The following ZNF131 variants were observed in gnomAD, a reference collection of about 807,000 sequenced individuals.
ZNF131 encodes zinc finger protein 131.
ZNF131 carries 7 observed loss-of-function variants against 60.0 expected under a neutral mutation model. The ratio of observed to expected loss-of-function variants is 0.12; its 90% CI spans 0.07 to 0.22. The LOEUF (loss-of-function observed/expected upper bound fraction) is 0.22, where lower values mean the gene tolerates loss of function less well. Ranked by LOEUF, ZNF131 falls within the 10% of genes least tolerant of loss-of-function variation. The pLI is 1.00. For missense variants in ZNF131, 493 were observed against 740.9 expected (o/e 0.67, Z 3.88); for synonymous variants, 257 against 253.2 (o/e 1.01, Z -0.14).
chr5:43,137,018 G>C (rs1025518067), intron 3 of ZNF131, among the ~76,000 whole-genome samples: 2 of 152,018 alleles, frequency 1.3e-5, no homozygotes, highest in African/African-American at 2.4e-5. Context: ...CATGAAAAAA[G>C]ATGAAATTGG....
chr5:43,152,816 T>A (rs138881469), intron 4 of ZNF131, among the ~76,000 whole-genome samples: 29 of 152,002 alleles, frequency 1.9e-4, no homozygotes, highest in Non-Finnish European at 3.4e-4. Flanking sequence ...TACTATGTTC[T>A]CCAGGCTGTT....
chr5:43,124,991 C>A (rs1424977021), intron 3 of ZNF131: 1 of 150,036 alleles, frequency 6.7e-6, no homozygotes, highest in Non-Finnish European at 1.5e-5. Context: ...GATTTTGCCA[C>A]TGCATTGTAG....
chr5:43,143,365 C>A, intron 4 of ZNF131: 1 of 1,329,098 alleles, frequency 7.5e-7, no homozygotes, highest in East Asian at 2.8e-5. Flanking sequence ...GATTTTAGAT[C>A]TTGTTGAAAG....
Position 43,161,626 on chromosome 5 carries a change from T to C in ZNF131, c.749T>C (p.Val250Ala). 6.2e-7 allele frequency: 1 copy of C among 1,614,234 alleles called. No homozygotes were observed. Among genetic ancestry groups the C allele is most frequent in the Non-Finnish European group, 8.5e-7 (1 of 1,180,024 alleles). ...TSKQVEGIEI[V>A]ELQLSHVKDL... ...AAACAGGTAGAAGGTATTGAAATTG[T>C]GGAACTTCAGCTGTCACATGTGAAG... The change falls in exon 5 of 7, where the codon GTG (valine) becomes GCG (alanine). Residue 250 changes from valine (V) to alanine (A), a missense_variant. Physicochemically the swap from Val to Ala is moderately conservative, Grantham distance 64 (BLOSUM62 0). Coordinates refer to ENST00000682664, the MANE Select transcript of ZNF131 (RefSeq NM_001330707.2).
chr5:43,173,414 CA>C lies in ZNF131; in HGVS notation c.1158del (p.Gly387GlufsTer26). 6.2e-7 allele frequency: 1 copy of C among 1,611,796 alleles called. No homozygotes were observed. Among genetic ancestry groups the C allele is most frequent in the Non-Finnish European group, 8.5e-7 (1 of 1,178,826 alleles). The part of the protein sequence containing the change: ...HLTACQTGVG[A>X]KKGRKKLYEC... ...ACTGCATGCCAAACTGGAGTAGGGG[CA>C]AAAAAAGGAAGGAAGAAGCTCTACG... On this transcript the variant is annotated frameshift_variant, in exon 6 of 7. Coordinates refer to ENST00000682664, the MANE Select transcript of ZNF131 (RefSeq NM_001330707.2). LOFTEE classifies it high-confidence loss of function.
chr5:43,140,581 A>G (rs947483274), intron 4 of ZNF131, among the ~76,000 whole-genome samples: 1 of 152,236 alleles, frequency 6.6e-6, no homozygotes, highest in Non-Finnish European at 1.5e-5. Context: ...GTTTCTCAAT[A>G]CAGATCATTG....
At chr5:43,162,348 T>C (rs1749783666) in intron 5 of ZNF131, among the ~76,000 whole-genome samples, 3 of 151,864 alleles carry the variant, frequency 2.0e-5, no homozygotes, top group African/African-American at 7.3e-5. Flanking sequence ...TCCCAGCACT[T>C]TGGGAGGCCG....
At chr5:43,122,249 T>A in intron 2 of ZNF131, 72 bp downstream of exon 2, 1 of 511,512 alleles carries the variant, frequency 2.0e-6, no homozygotes, top group Non-Finnish European at 2.7e-6. Flanking sequence ...CACCCGCCTT[T>A]TTTTTTTTTT....
At chr5:43,170,360 C>T (rs559596577) in intron 5 of ZNF131, among the ~76,000 whole-genome samples, 11 of 152,276 alleles carry the variant, frequency 7.2e-5, no homozygotes, top group Middle Eastern at 3.4e-3. Flanking sequence ...TCTATTTAAG[C>T]GTGAGGCTCA....
chr5:43,171,544 G>A (rs1750994001), intron 5 of ZNF131, among the ~76,000 whole-genome samples: 1 of 152,104 alleles, frequency 6.6e-6, no homozygotes, highest in African/African-American at 2.4e-5. Flanking sequence ...GGCAACAAGA[G>A]CGAAACTCCG....
intron 4 of ZNF131, among the ~76,000 whole-genome samples, chr5:43,157,409 C>T (rs1208938593): frequency 2.0e-5 from 3 of 152,302 alleles, no homozygotes; most frequent in Admixed American, 6.5e-5. Flanking sequence ...TGTAACTTGT[C>T]TGAAAAGAGG....
At position 43,174,556 on chromosome 5, in the gene ZNF131, G is replaced by A; in HGVS notation, c.1295G>A (p.Gly432Glu). The A allele has an allele frequency of 6.2e-7, 1 of 1,607,596 alleles. No homozygotes were observed. The highest frequency in any genetic ancestry group is 8.5e-7 in the Non-Finnish European group (1 of 1,176,484). ...TTATGTGATTTGTGGTTTATGCAAGGAAATGAATTAAGGAGGCATCTCAGT... is the reference window on the plus strand; with the variant it reads ...TTATGTGATTTGTGGTTTATGCAAGAAAATGAATTAAGGAGGCATCTCAGT... The part of the protein sequence containing the change: ...CTLCDLWFMQ[G>E]NELRRHLSDA... The change falls in exon 7 of 7, where the codon GGA becomes GAA. Residue 432 changes from glycine (G) to glutamate (E), a missense_variant. By Grantham distance (98) the Gly-to-Glu change is moderately conservative. This residue lies in a region of ZNF131 where 33 missense variants were observed against 67.9 expected (regional missense o/e 0.49). Coordinates refer to ENST00000682664, the MANE Select transcript of ZNF131 (RefSeq NM_001330707.2).
At position 43,159,901 on chromosome 5, in the gene ZNF131, G is replaced by A. The variant is rs376465880; in HGVS notation, c.372-1348G>A. Among the ~76,000 whole-genome samples, 6 of 151,802 alleles carry A rather than the reference G, an allele frequency of 4.0e-5. No homozygotes were observed. In the South Asian group the frequency reaches 6.2e-4, roughly 16 times the overall value. The stretch of plus-strand genomic sequence containing the variant: ...AATCTTTCAGCTGGGCAGGCTGGGC[G>A]CGGTGGCCCACGCCTGTAATCCCAG... On this transcript the variant is annotated intron_variant, in intron 4 of 6. Coordinates refer to ENST00000682664, the MANE Select transcript of ZNF131 (RefSeq NM_001330707.2).
Position 43,161,852 on chromosome 5 carries a change from A to C in ZNF131, c.975A>C (p.Lys325Asn). 6.2e-7 allele frequency: 1 copy of C among 1,614,170 alleles called. No individual in the cohort carries two copies. Among genetic ancestry groups the C allele is most frequent in the Non-Finnish European group, 8.5e-7 (1 of 1,180,044 alleles). The part of the protein sequence containing the change: ...GGVSKKQRTG[K>N]KIHVCQYCEK... ...TCAGTAAGAAGCAAAGAACTGGGAA[A>C]AAAATTCATGTATGTCAGTACTGTG... is the stretch of plus-strand genomic sequence containing the variant. Residue 325 changes from lysine (K) to asparagine (N), a missense_variant, in exon 5 of 7, where the codon AAA becomes AAC. This residue lies in a region of ZNF131 where 22 missense variants were observed against 26.7 expected (regional missense o/e 0.82). Transcript: ENST00000682664.
intron 5 of ZNF131, 77 bp downstream of exon 5, chr5:43,162,008 AAAAT>A (rs1341065663): frequency 3.6e-6 from 5 of 1,374,048 alleles, no homozygotes; most frequent in African/African-American, 1.5e-5. Flanking sequence ...CCTTTTTAAA[AAAAT>A]AGTGCCTCAG....
At chr5:43,163,075 G>A (rs1356880044) in intron 5 of ZNF131, among the ~76,000 whole-genome samples, 2 of 139,392 alleles carry the variant, frequency 1.4e-5, no homozygotes, top group East Asian at 2.6e-4. Flanking sequence ...GGGTTCAAGC[G>A]ATTCTTCTGC....
intron 5 of ZNF131, among the ~76,000 whole-genome samples, chr5:43,165,599 C>T (rs1750247772): frequency 6.6e-6 from 1 of 152,176 alleles, no homozygotes; most frequent in Non-Finnish European, 1.5e-5. Flanking sequence ...GTCAATAAAC[C>T]ATGCTGTAAA....
At chr5:43,132,040 T>C (rs1745430548) in intron 3 of ZNF131, among the ~76,000 whole-genome samples, 1 of 152,198 alleles carries the variant, frequency 6.6e-6, no homozygotes, top group Non-Finnish European at 1.5e-5. Flanking sequence ...TTGTAAAGTA[T>C]TTAGAGCCTT....
chr5:43,165,736 C>T (rs1240540251), intron 5 of ZNF131, among the ~76,000 whole-genome samples: 1 of 152,170 alleles, frequency 6.6e-6, no homozygotes, highest in East Asian at 1.9e-4. Flanking sequence ...AACTTAAAGT[C>T]ACCAGCTGCA....
Sources: allele counts gnomAD v4.1 joint callset (sites outside exome capture counted in the v4.1 genomes callset), GRCh38; gene constraint gnomAD v4.1.1; regional missense constraint gnomAD v4.1.1; transcripts MANE v1.5; gene names NCBI Gene and HGNC (gene_info 2026-07-23, HGNC 2026-07-21).